Variants in COL4A4 observed in about 807,000 individuals in gnomAD.
COL4A4 encodes the protein collagen type IV alpha 4 chain.
COL4A4 carries 105 observed loss-of-function variants against 192.9 expected under a neutral mutation model. The ratio of observed to expected loss-of-function variants is 0.54; its 90% CI spans 0.46 to 0.64. COL4A4 has a LOEUF of 0.64. Among genes scored for constraint, COL4A4 ranks in the 30% least tolerant of loss-of-function variants. The pLI, the probability that COL4A4 is intolerant of heterozygous loss-of-function variation, is 0.00. For synonymous variants in COL4A4, 762 were observed against 769.9 expected, an observed-to-expected ratio of 0.99 and a Z score of 0.17; for missense variants, 1,967 against 2,169.3, an observed-to-expected ratio of 0.91 and a Z score of 1.85.
At chr2:227,096,268 G>A (rs2060201733) in intron 19 of COL4A4, among the ~76,000 whole-genome samples, 1 of 152,168 alleles carries the variant, frequency 6.6e-6, no homozygotes, top group Non-Finnish European at 1.5e-5. Flanking sequence ...GGCTACACAA[G>A]AGAAATCAGA....
chr2:226,989,880 G>A, the COL4A4 span, among the ~76,000 whole-genome samples: 1 of 152,186 alleles, frequency 6.6e-6, no homozygotes, highest in Admixed American at 6.5e-5. Context: ...GTAAATCACA[G>A]AGATCTCCAT....
chr2:227,141,258 AT>A (rs2063189867), intron 3 of COL4A4, among the ~76,000 whole-genome samples: 1 of 152,228 alleles, frequency 6.6e-6, no homozygotes, highest in South Asian at 2.1e-4. Flanking sequence ...TCATTGCAAC[AT>A]TTATACATTG....
At chr2:227,021,934 T>C (rs998129363) in intron 44 of COL4A4, 114 bp downstream of exon 44, 1 of 1,239,524 alleles carries the variant, frequency 8.1e-7, no homozygotes, top group Non-Finnish European at 1.1e-6. Context: ...GGGAAAGACA[T>C]GCTTTCTCCT....
Position 227,049,061 on chromosome 2 carries a change from A to C in COL4A4, c.3214+1007T>G, listed in dbSNP as rs560057458. The stretch of plus-strand genomic sequence containing the variant: ...TTAACTTATATCAAAATAAAGGATA[A>C]CTGCATGTTAACCTGTGAATTTACA... On this transcript the variant is annotated intron_variant, in intron 34 of 47. Transcript: ENST00000396625. Among the ~76,000 whole-genome samples the C allele has an allele frequency of 2.0e-5, 3 of 152,322 alleles. No homozygotes were observed. In the South Asian group the frequency reaches 6.2e-4, roughly 32 times the overall value.
At chr2:227,053,543 C>CTTTTTTTT (rs56724633) in intron 31 of COL4A4, among the ~76,000 whole-genome samples, 4 of 102,258 alleles carry the variant, frequency 3.9e-5, no homozygotes, top group Admixed American at 1.1e-4. Flanking sequence ...TTTTCTTTTT[C>CTTTTTTTT]TTTTTTTTTT....
intron 29 of COL4A4, among the ~76,000 whole-genome samples, chr2:227,057,226 T>C (rs1381960632): frequency 6.6e-6 from 1 of 152,200 alleles, no homozygotes; most frequent in Non-Finnish European, 1.5e-5. Flanking sequence ...CAACCCACTG[T>C]GTGTGTGGCC....
Position 227,060,127 on chromosome 2 carries a change from C to G in COL4A4, c.2164+9G>C. 1 of 540,890 alleles carries G rather than the reference C, an allele frequency of 1.8e-6. No individual in the cohort carries two copies. Among genetic ancestry groups the G allele is most frequent in the South Asian group, 5.0e-5 (1 of 20,130 alleles). The allele number at this position is 540,890 out of a possible 1,614,324, so 33.5% of individuals were successfully genotyped here. A position where few individuals can be genotyped will look rare whatever the true frequency, so the allele number is the denominator to read the frequency against. On this transcript the variant is annotated intron_variant, in intron 27 of 47. Transcript: ENST00000396625. ...AAAAAAAAAAAAAAAAAAAAAAAAC[C>G]TCACTGACCAGGTGGACCTGGTATT...
intron 13 of COL4A4, 119 bp from the exon 14 acceptor site, chr2:227,103,316 G>GA: frequency 1.3e-6 from 1 of 788,350 alleles, no homozygotes; most frequent in Non-Finnish European, 2.1e-6. Flanking sequence ...AAAATCTTAA[G>GA]AGATTACTCT....
chr2:227,052,464 A>G (rs1368788830), intron 31 of COL4A4, 52 bp from the exon 32 acceptor site: 1 of 1,060,338 alleles, frequency 9.4e-7, no homozygotes, highest in East Asian at 2.4e-5. Flanking sequence ...TCACACACAT[A>G]ATTTATCCAT....
intron 17 of COL4A4, among the ~76,000 whole-genome samples, chr2:227,100,002 G>A (rs1229811583): frequency 6.6e-6 from 1 of 152,176 alleles, no homozygotes; most frequent in Non-Finnish European, 1.5e-5. Flanking sequence ...GATATACCAT[G>A]AGCATTAATG....
intron 22 of COL4A4, among the ~76,000 whole-genome samples, chr2:227,083,925 AAAC>A (rs1205965696): frequency 6.6e-6 from 1 of 152,220 alleles, no homozygotes; most frequent in Non-Finnish European, 1.5e-5. Flanking sequence ...CCAAAAATGC[AAAC>A]AACAGACATA....
chr2:227,001,965 G>A (rs956121160), downstream of COL4A4, among the ~76,000 whole-genome samples: 6 of 152,158 alleles, frequency 3.9e-5, no homozygotes, highest in African/African-American at 1.4e-4. Context: ...TTGAAGCCAA[G>A]AGTTTAAGAC....
the COL4A4 span, among the ~76,000 whole-genome samples, chr2:226,986,446 A>G: frequency 6.6e-6 from 1 of 152,222 alleles, no homozygotes; most frequent in Non-Finnish European, 1.5e-5. Flanking sequence ...ACGTAAATTT[A>G]AAATTATTCC....
intron 7 of COL4A4, 144 bp from the exon 8 acceptor site, chr2:227,114,840 ATAT>A (rs2061406477): frequency 2.8e-6 from 2 of 709,636 alleles, no homozygotes; most frequent in Non-Finnish European, 5.0e-6. Context: ...ATCCTCTTCC[ATAT>A]TATTATCACC....
chr2:227,149,965 C>T (rs1191531829), intron 1 of COL4A4, among the ~76,000 whole-genome samples: 1 of 152,222 alleles, frequency 6.6e-6, no homozygotes, highest in African/African-American at 2.4e-5. Context: ...GTAGCCAATG[C>T]ATTCTCATCA....
chr2:227,124,839 A>C (rs1382799855), intron 4 of COL4A4, among the ~76,000 whole-genome samples: 1 of 152,268 alleles, frequency 6.6e-6, no homozygotes, highest in East Asian at 1.9e-4. Flanking sequence ...AAAATTCAGG[A>C]AATAAATACT....
intron 3 of COL4A4, 132 bp downstream of exon 3, chr2:227,144,384 T>G: frequency 1.4e-6 from 1 of 738,038 alleles, no homozygotes; most frequent in Non-Finnish European, 2.4e-6. Context: ...TAGAGTTTAT[T>G]TAGTCCTATT....
At position 227,051,008 on chromosome 2, in the gene COL4A4, A is replaced by G; in HGVS notation, c.3119T>C (p.Phe1040Ser). The change falls in exon 33 of 48, where the codon TTC becomes TCC. Residue 1040 changes from phenylalanine (F) to serine (S), a missense_variant. Phe to Ser is a radical substitution (Grantham distance 155, BLOSUM62 -2). Transcript: ENST00000396625. ...GPPGSTGLRG[F>S]IGFPGLPGDQ... ...ACCTGGAAGTCCTGGAAAACCAATG[A>G]ACCCTCTTAGACCAGTTGAGCCTGG... The G allele has an allele frequency of 6.2e-7, 1 of 1,614,208 alleles. No homozygotes were observed. Among genetic ancestry groups the G allele is most frequent in the Non-Finnish European group, 8.5e-7 (1 of 1,180,026 alleles).
the COL4A4 span, among the ~76,000 whole-genome samples, chr2:226,981,935 C>T: frequency 4.6e-5 from 7 of 152,218 alleles, no homozygotes; most frequent in Middle Eastern, 3.2e-3. Flanking sequence ...AAGGTTGCAT[C>T]GCCCTCATGG....
Sources: gnomAD v4.1 joint callset for allele counts (sites outside exome capture counted in the v4.1 genomes callset) on GRCh38, gnomAD v4.1.1 for gene constraint, MANE v1.5 for transcripts, NCBI Gene and HGNC (gene_info 2026-07-23, HGNC 2026-07-21) for gene names.